GAS2: variants seen among roughly 807,000 people sequenced by gnomAD.
GAS2 encodes growth arrest specific 2, also known as growth arrest-specific protein 2.
A neutral mutation model predicts 37.5 loss-of-function variants in GAS2; 20 were observed. The observed-to-expected ratio is 0.53, with a 90% CI of 0.37 to 0.77. GAS2 has a LOEUF of 0.77. Ranked by LOEUF, GAS2 falls within the 30% of genes least tolerant of loss-of-function variation. The pLI is 0.00. For synonymous variants in GAS2, 144 were observed against 132.2 expected (o/e 1.09, Z -0.61); for missense variants, 336 against 373.4 (o/e 0.90, Z 0.82).
At chr11:22,713,850 G>A (rs189268762) in intron 3 of GAS2, among the ~76,000 whole-genome samples, 1 of 152,190 alleles carries the variant, frequency 6.6e-6, no homozygotes, top group Admixed American at 6.5e-5. Flanking sequence ...AATGCTAAAA[G>A]GAGTCCTAAA....
chr11:22,811,286 C>G (rs971828046), intron 7 of GAS2, among the ~76,000 whole-genome samples: 3 of 152,206 alleles, frequency 2.0e-5, no homozygotes, highest in African/African-American at 7.2e-5. Flanking sequence ...AGGGCTCAGA[C>G]AATGACTGGG....
chr11:22,638,621 C>T (rs1353556038), intron 1 of GAS2, among the ~76,000 whole-genome samples: 1 of 152,134 alleles, frequency 6.6e-6, no homozygotes, highest in Non-Finnish European at 1.5e-5. Flanking sequence ...GCTGGGATTA[C>T]AGGCATGAGC....
In GAS2 at chr11:22,700,371, C is replaced by T. The variant is rs193277275; in HGVS notation, c.267+14582C>T. Among the ~76,000 whole-genome samples, 59 of 152,248 alleles carry T rather than the reference C, an allele frequency of 3.9e-4. 1 individual carries two copies. The East Asian group carries it at 9.3e-3, about 24-fold the overall frequency. On this transcript the variant is annotated intron_variant, in intron 3 of 7. Coordinates refer to ENST00000454584, the MANE Select transcript of GAS2 (RefSeq NM_001143830.3). Reference sequence around the variant, plus strand: ...TTCTCATTAAGTTTGAAATTCCCCCCTCTGCCTGTTTGCTTAGCTCAAAAG... The same window carrying T: ...TTCTCATTAAGTTTGAAATTCCCCCTTCTGCCTGTTTGCTTAGCTCAAAAG...
chr11:22,763,990 C>A (rs1854536887), intron 7 of GAS2, among the ~76,000 whole-genome samples: 1 of 152,154 alleles, frequency 6.6e-6, no homozygotes, highest in African/African-American at 2.4e-5. Context: ...GTTTTGTCAT[C>A]CATTGATGTA....
At chr11:22,641,900 C>T (rs1019763321) in intron 1 of GAS2, among the ~76,000 whole-genome samples, 3 of 151,986 alleles carry the variant, frequency 2.0e-5, no homozygotes. Flanking sequence ...ATCATTGTTA[C>T]AGTAATAAAT....
intron 1 of GAS2, among the ~76,000 whole-genome samples, chr11:22,648,855 T>A: frequency 6.6e-6 from 1 of 152,196 alleles, no homozygotes; most frequent in Non-Finnish European, 1.5e-5. Flanking sequence ...AATCATGTCG[T>A]CTACAAACAG....
At chr11:22,680,093 A>G (rs35281288) in intron 2 of GAS2, among the ~76,000 whole-genome samples, 3,127 of 152,176 alleles carry the variant, frequency 0.021, 115 homozygotes, top group African/African-American at 0.071. Context: ...CTACTATCTA[A>G]TGAGTTTGGA....
chr11:22,739,922 A>G (rs1852981173), intron 5 of GAS2, among the ~76,000 whole-genome samples: 1 of 151,948 alleles, frequency 6.6e-6, no homozygotes, highest in African/African-American at 2.4e-5. Context: ...CCTCCCATTT[A>G]AGTTTATAGC....
At chr11:22,795,484 A>C (rs1856382787) in intron 7 of GAS2, among the ~76,000 whole-genome samples, 1 of 152,154 alleles carries the variant, frequency 6.6e-6, no homozygotes, top group South Asian at 2.1e-4. Context: ...GATATTAGCA[A>C]GGGCATGAAG....
At chr11:22,773,607 A>C (rs1325461434) in intron 7 of GAS2, among the ~76,000 whole-genome samples, 1 of 151,904 alleles carries the variant, frequency 6.6e-6, no homozygotes, top group Non-Finnish European at 1.5e-5. Flanking sequence ...GTCACACCTC[A>C]GTCTTAATCT....
intron 7 of GAS2, among the ~76,000 whole-genome samples, chr11:22,764,827 A>G (rs1165601017): frequency 6.6e-6 from 1 of 152,202 alleles, no homozygotes; most frequent in Non-Finnish European, 1.5e-5. Flanking sequence ...CCATTTAGCA[A>G]TGAGTAGATT....
At chr11:22,627,246 G>A (rs1430216963) in intron 1 of GAS2, among the ~76,000 whole-genome samples, 8 of 152,208 alleles carry the variant, frequency 5.3e-5, no homozygotes. Flanking sequence ...CAAATGTACA[G>A]GCATCACTAA....
intron 1 of GAS2, among the ~76,000 whole-genome samples, chr11:22,639,608 T>C (rs1858884744): frequency 6.6e-6 from 1 of 152,204 alleles, no homozygotes. Context: ...TTTATGCATG[T>C]AAAATCTGAT....
chr11:22,726,206 A>C (rs1318046122), intron 3 of GAS2, 86 bp from the exon 4 acceptor site: 6 of 1,374,082 alleles, frequency 4.4e-6, no homozygotes, highest in Admixed American at 2.3e-5. Context: ...GGTAATTCCG[A>C]AGCATTTTGT....
rs373146177 is a variant in GAS2 at position 22,652,896 on chromosome 11, C to G, written c.-20-21954C>G. On this transcript the variant is annotated intron_variant, in intron 1 of 5. Coordinates refer to the GAS2 transcript ENST00000528582. The stretch of plus-strand genomic sequence containing the variant: ...TCACCCGTCTTCTGCGTCGCTCACG[C>G]TGGGAGCTGTAGACCGGAGCGGTTC... Among the ~76,000 whole-genome samples the G allele has an allele frequency of 9.2e-5, 14 of 152,312 alleles. No homozygotes were observed. The East Asian group carries it at 2.7e-3, about 29-fold the overall frequency.
chr11:22,683,834 A>G (rs905149760), intron 2 of GAS2, among the ~76,000 whole-genome samples: 8 of 152,204 alleles, frequency 5.3e-5, no homozygotes, highest in Non-Finnish European at 4.4e-5. Flanking sequence ...TGTAGGAGAT[A>G]CAAAAAATAA....
chr11:22,709,635 A>T (rs1458000576), intron 3 of GAS2, among the ~76,000 whole-genome samples: 2 of 152,172 alleles, frequency 1.3e-5, no homozygotes, highest in African/African-American at 4.8e-5. Flanking sequence ...TAGAAATACC[A>T]TTTGACCCAG....
At chr11:22,694,084 A>T (rs1480490143) in intron 3 of GAS2, among the ~76,000 whole-genome samples, 1 of 152,160 alleles carries the variant, frequency 6.6e-6, no homozygotes, top group African/African-American at 2.4e-5. Context: ...TACCTGGGTG[A>T]TTAAATAATC....
chr11:22,806,743 T>C (rs1391785747), intron 7 of GAS2, among the ~76,000 whole-genome samples: 2 of 152,188 alleles, frequency 1.3e-5, no homozygotes, highest in Admixed American at 1.3e-4. Flanking sequence ...CAAGAATAAC[T>C]CAGAATTGAA....
Sources: gnomAD v4.1 joint callset for allele counts (sites outside exome capture counted in the v4.1 genomes callset) on GRCh38, gnomAD v4.1.1 for gene constraint, MANE v1.5 for transcripts, NCBI Gene and HGNC (gene_info 2026-07-23, HGNC 2026-07-21) for gene names.